Variants in MYO1F observed in about 807,000 individuals in gnomAD.
MYO1F encodes the protein unconventional myosin-If.
MYO1F carries 60 observed loss-of-function variants against 146.6 expected under a neutral mutation model. The observed-to-expected ratio is 0.41, with a 90% CI of 0.33 to 0.51. The LOEUF is 0.51. Among genes scored for constraint, MYO1F ranks in the 20% least tolerant of loss-of-function variants. The probability of loss-of-function intolerance (pLI) is 0.25; values close to 1 mark genes in which losing one functional copy is unlikely to be tolerated. For missense variants in MYO1F, 1,274 were observed against 1,534.3 expected, an observed-to-expected ratio of 0.83 and a Z score of 2.83; for synonymous variants, 602 against 602.1, an observed-to-expected ratio of 1.00 and a Z score of 0.00.
At chr19:8,537,103 C>T in intron 16 of MYO1F, 48 bp from the exon 17 acceptor site, 2 of 1,265,548 alleles carry the variant, frequency 1.6e-6, no homozygotes, top group Non-Finnish European at 2.3e-6. Flanking sequence ...GAGATGGGAC[C>T]CTCTGGCCCC....
At chr19:8,524,767 T>C (rs78398748) in intron 25 of MYO1F, among the ~76,000 whole-genome samples, 1,770 of 152,112 alleles carry the variant, frequency 0.012, 42 homozygotes, top group African/African-American at 0.041. Flanking sequence ...TCCTATCCTC[T>C]GTAGGAGAGC....
chr19:8,552,145 T>G lies in MYO1F; in HGVS notation c.524A>C (p.Gln175Pro). Residue 175 changes from glutamine (Q) to proline (P), a missense_variant, in exon 7 of 28, where the codon CAG (glutamine) becomes CCG (proline). Transcript: ENST00000644032. ...SSRFGKYFEI[Q>P]FSRGGEPDGG... ...ATCTGGCTCCCCACCTCGGCTGAAC[T>G]GGATCTCAAAGTACTTGCCCTGAAT... is the stretch of plus-strand genomic sequence containing the variant. 1.1e-5 allele frequency: 18 copies of G among 1,614,114 alleles called. No individual in the cohort carries two copies. The highest frequency in any genetic ancestry group is 1.5e-5 in the Non-Finnish European group (18 of 1,180,014).
At chr19:8,531,861 T>C (rs1343293409) in intron 19 of MYO1F, among the ~76,000 whole-genome samples, 1 of 152,176 alleles carries the variant, frequency 6.6e-6, no homozygotes, top group African/African-American at 2.4e-5. Flanking sequence ...CTCAAGCCTG[T>C]AATCCCAGCA....
At chr19:8,575,652 G>T (rs1555733654) in intron 1 of MYO1F, among the ~76,000 whole-genome samples, 1 of 152,088 alleles carries the variant, frequency 6.6e-6, no homozygotes, top group African/African-American at 2.4e-5. Flanking sequence ...GAATCCTTCA[G>T]CGATCTTCCT....
chr19:8,572,425 G>A (rs925538488), intron 1 of MYO1F, among the ~76,000 whole-genome samples: 1 of 151,970 alleles, frequency 6.6e-6, no homozygotes, highest in Non-Finnish European at 1.5e-5. Flanking sequence ...ATGCCACCCC[G>A]CTTGGCTAAT....
intron 27 of MYO1F, 44 bp from the exon 28 acceptor site, chr19:8,521,648 G>A: frequency 6.3e-7 from 1 of 1,583,784 alleles, no homozygotes; most frequent in Non-Finnish European, 8.7e-7. Context: ...GCTGGCCCTG[G>A]AGAAAGCTCT....
chr19:8,531,169 G>GA (rs1972472958), intron 19 of MYO1F, among the ~76,000 whole-genome samples: 2 of 151,782 alleles, frequency 1.3e-5, no homozygotes, highest in African/African-American at 4.8e-5. Flanking sequence ...TCAACATGGA[G>GA]AAACCCTGTC....
chr19:8,550,113 G>GTT (rs1973538844), intron 10 of MYO1F, 47 bp downstream of exon 10: 1 of 1,599,624 alleles, frequency 6.3e-7, no homozygotes, highest in South Asian at 1.1e-5. Flanking sequence ...ATAAATGTTT[G>GTT]TGACCCCAGA....
At chr19:8,534,335 T>C (rs1287389439) in intron 19 of MYO1F, among the ~76,000 whole-genome samples, 1 of 152,010 alleles carries the variant, frequency 6.6e-6, no homozygotes, top group African/African-American at 2.4e-5. Flanking sequence ...TTTTTCAGAG[T>C]CTCACTTTGT....
chr19:8,564,804 G>A (rs374167304), intron 1 of MYO1F, among the ~76,000 whole-genome samples: 31 of 151,642 alleles, frequency 2.0e-4, no homozygotes, highest in African/African-American at 7.5e-4. Context: ...ACAGAGTCTC[G>A]CTCTGTCACC....
rs540770886 is a variant in MYO1F, at chr19:8,566,481, T to A, written c.4-10685A>T. ...CGCGCCCGGCCTGGTCTATGCTTTTTAAAAAAAATTTTATTTTTATTTATT... is the reference window on the plus strand; with the variant it reads ...CGCGCCCGGCCTGGTCTATGCTTTTAAAAAAAAATTTTATTTTTATTTATT... On this transcript the variant is annotated intron_variant, in intron 1 of 27. Transcript: ENST00000644032. Among the ~76,000 whole-genome samples, 6 of 150,348 alleles carry A rather than the reference T, an allele frequency of 4.0e-5. No homozygotes were observed. In the South Asian group the frequency reaches 1.3e-3, roughly 31 times the overall value.
At chr19:8,533,161 C>T (rs1301682899) in intron 19 of MYO1F, among the ~76,000 whole-genome samples, 3 of 149,880 alleles carry the variant, frequency 2.0e-5, no homozygotes, top group African/African-American at 7.4e-5. Context: ...ACCTCAGCCA[C>T]TCAAGGCTAA....
intron 1 of MYO1F, among the ~76,000 whole-genome samples, chr19:8,574,169 G>A (rs1288686889): frequency 6.6e-6 from 1 of 151,500 alleles, no homozygotes; most frequent in Non-Finnish European, 1.5e-5. Context: ...AACACCAACC[G>A]CCACCACCAC....
intron 22 of MYO1F, 121 bp from the exon 23 acceptor site, chr19:8,527,056 T>C: frequency 7.4e-7 from 1 of 1,345,044 alleles, no homozygotes; most frequent in Non-Finnish European, 1.0e-6. Context: ...AAGTCAGCGG[T>C]GACCAGGTAG....
intron 1 of MYO1F, among the ~76,000 whole-genome samples, chr19:8,562,164 T>C (rs1367175894): frequency 9.8e-6 from 1 of 102,122 alleles, no homozygotes; most frequent in East Asian, 2.4e-4. Context: ...TAATTTTTTC[T>C]TTTTTTTTTT....
At chr19:8,547,171 T>C (rs886970434) in intron 12 of MYO1F, among the ~76,000 whole-genome samples, 2 of 151,738 alleles carry the variant, frequency 1.3e-5, no homozygotes, top group South Asian at 4.2e-4. Context: ...CATGATGGTG[T>C]GTGCCTGCGG....
intron 19 of MYO1F, among the ~76,000 whole-genome samples, chr19:8,532,901 A>AAAAAAATATAT (rs1172873322): frequency 8.4e-5 from 4 of 47,824 alleles, no homozygotes; most frequent in African/African-American, 4.3e-4. Context: ...AAAAAAAAAA[A>AAAAAAATATAT]ATACACACAC....
intron 10 of MYO1F, 152 bp downstream of exon 10, chr19:8,550,008 C>T: frequency 1.2e-6 from 1 of 845,964 alleles, no homozygotes; most frequent in Non-Finnish European, 1.9e-6. Flanking sequence ...CTATGTTGCC[C>T]AGGCTGGTCT....
intron 2 of MYO1F, chr19:8,555,323 T>C (rs1973798375): frequency 3.5e-6 from 1 of 287,142 alleles, no homozygotes; most frequent in Non-Finnish European, 6.5e-6. Flanking sequence ...TGAGCTGAGA[T>C]TGTGCCACTA....
Sources: allele counts gnomAD v4.1 joint callset (sites outside exome capture counted in the v4.1 genomes callset), GRCh38; gene constraint gnomAD v4.1.1; transcripts MANE v1.5; gene names NCBI Gene and HGNC (gene_info 2026-07-23, HGNC 2026-07-21).